The following ATP9B variants were observed in gnomAD, a reference collection of about 807,000 sequenced individuals.
The protein encoded by ATP9B is ATPase phospholipid transporting 9B, also known as probable phospholipid-transporting ATPase IIB.
ATP9B carries 110 observed loss-of-function variants against 146.1 expected under a neutral mutation model. The ratio of observed to expected loss-of-function variants is 0.75; its 90% CI spans 0.65 to 0.88. The LOEUF is 0.88. ATP9B is among the 40% of genes least tolerant of loss of function. The pLI is 0.00. For synonymous variants in ATP9B, 604 were observed against 569.7 expected (o/e 1.06, Z -0.86); for missense variants, 1,499 against 1,496.4 (o/e 1.00, Z -0.03).
intron 8 of ATP9B, among the ~76,000 whole-genome samples, chr18:79,188,325 T>C (rs1330309018): frequency 6.6e-6 from 1 of 152,196 alleles, no homozygotes; most frequent in East Asian, 1.9e-4. Context: ...GAAAATGAAT[T>C]GTTCTACGTC....
chr18:79,155,849 G>A (rs148732008), intron 7 of ATP9B, among the ~76,000 whole-genome samples: 4,049 of 131,778 alleles, frequency 0.031, 161 homozygotes, highest in African/African-American at 0.1. Flanking sequence ...TGCAAGCTCC[G>A]CCTCCTGGGT....
chr18:79,348,318 A>G, intron 25 of ATP9B, 122 bp downstream of exon 25: 1 of 945,736 alleles, frequency 1.1e-6, no homozygotes, highest in Non-Finnish European at 1.6e-6. Flanking sequence ...TTTAGAATGA[A>G]TAATACTGAT....
At chr18:79,090,110 T>C (rs2074196951) in intron 1 of ATP9B, among the ~76,000 whole-genome samples, 1 of 152,214 alleles carries the variant, frequency 6.6e-6, no homozygotes, top group East Asian at 1.9e-4. Flanking sequence ...ATCTTATTCT[T>C]TTTTACTGTT....
In ATP9B at chr18:79,281,816, G is replaced by A. The variant is rs188809649; in HGVS notation, c.1411+4620G>A. Among the ~76,000 whole-genome samples the A allele has an allele frequency of 2.0e-3, 302 of 152,330 alleles. 1 individual carries two copies. The highest frequency in any genetic ancestry group is 7.0e-3 in the African/African-American group (290 of 41,568). ...AGGCAGGCGGATCACCGGAGGTCGG[G>A]AGTTCAAGACCAGCCTGACCAACAT... is the stretch of plus-strand genomic sequence containing the variant. On this transcript the variant is annotated intron_variant, in intron 13 of 29. Coordinates refer to ENST00000426216, the MANE Select transcript of ATP9B (RefSeq NM_198531.5).
intron 26 of ATP9B, 174 bp downstream of exon 26, chr18:79,359,636 G>C (rs559020822): frequency 2.4e-5 from 14 of 591,862 alleles, no homozygotes; most frequent in African/African-American, 2.2e-4. Context: ...TTCTCTTTGA[G>C]TTAAACTTCA....
chr18:79,246,746 C>A (rs570894210), intron 11 of ATP9B, among the ~76,000 whole-genome samples: 5 of 152,342 alleles, frequency 3.3e-5, no homozygotes, highest in African/African-American at 1.2e-4. Flanking sequence ...CTGGCTTCCC[C>A]TCCCAGCCGC....
At chr18:79,282,838 C>G (rs966813797) in intron 13 of ATP9B, among the ~76,000 whole-genome samples, 7 of 152,114 alleles carry the variant, frequency 4.6e-5, no homozygotes, top group Admixed American at 2.0e-4. Context: ...CTTGGTGCCC[C>G]CCAACTATGT....
At chr18:79,286,901 T>C (rs1170997363) in intron 13 of ATP9B, among the ~76,000 whole-genome samples, 1 of 152,252 alleles carries the variant, frequency 6.6e-6, no homozygotes, top group African/African-American at 2.4e-5. Flanking sequence ...TTTGGTTCTG[T>C]TTATATGCTG....
chr18:79,142,001 A>G (rs1461929725), intron 5 of ATP9B, among the ~76,000 whole-genome samples: 3 of 152,236 alleles, frequency 2.0e-5, no homozygotes, highest in Non-Finnish European at 1.5e-5. Flanking sequence ...GGACTTGATA[A>G]CAATATGATC....
chr18:79,071,398 C>T (rs1398265691), intron 1 of ATP9B, among the ~76,000 whole-genome samples: 1 of 22,404 alleles, frequency 4.5e-5, no homozygotes, highest in African/African-American at 1.5e-4. Context: ...TATTGTTCTT[C>T]CTTTTTTTTT....
At chr18:79,150,269 AT>A (rs1430992021) in intron 6 of ATP9B, among the ~76,000 whole-genome samples, 1 of 152,194 alleles carries the variant, frequency 6.6e-6, no homozygotes, top group Non-Finnish European at 1.5e-5. Flanking sequence ...GCTTGTGGAA[AT>A]ACAAATAATA....
chr18:79,143,481 T>A (rs2094539146), intron 5 of ATP9B, among the ~76,000 whole-genome samples: 1 of 152,244 alleles, frequency 6.6e-6, no homozygotes. Context: ...GCTGAGATCA[T>A]TTAGTAATAT....
chr18:79,139,786 A>G (rs1356861359), intron 5 of ATP9B, among the ~76,000 whole-genome samples: 2 of 152,028 alleles, frequency 1.3e-5, no homozygotes, highest in African/African-American at 4.8e-5. Flanking sequence ...TCTATTTTTC[A>G]TACCTATTAA....
chr18:79,348,193 T>TG lies in ATP9B; in HGVS notation c.2903+1dup. The TG allele has an allele frequency of 1.5e-5, 24 of 1,592,004 alleles. No individual in the cohort carries two copies. Among genetic ancestry groups the TG allele is most frequent in the Non-Finnish European group, 2.0e-5 (24 of 1,171,616 alleles). ...CCTTTGTATCAGGGCTTCCTCATGG[T>TG]GGGGTAAGTTACACTCAGAACCTGC... On this transcript the variant is annotated frameshift_variant, in exon 25 of 30. Coordinates refer to ENST00000426216, the MANE Select transcript of ATP9B (RefSeq NM_198531.5). LOFTEE classifies it high-confidence loss of function.
intron 7 of ATP9B, among the ~76,000 whole-genome samples, chr18:79,161,615 G>A (rs1299352379): frequency 3.9e-5 from 6 of 152,202 alleles, no homozygotes; most frequent in African/African-American, 7.2e-5. Context: ...TTGGGAGGCC[G>A]AGATGGGTGG....
chr18:79,257,045 A>G (rs2096089163), intron 12 of ATP9B, among the ~76,000 whole-genome samples: 1 of 152,214 alleles, frequency 6.6e-6, no homozygotes, highest in Non-Finnish European at 1.5e-5. Flanking sequence ...CACGCCTGTA[A>G]TCCTAGTACT....
At chr18:79,071,701 T>C (rs1305205945) in intron 1 of ATP9B, among the ~76,000 whole-genome samples, 4 of 152,150 alleles carry the variant, frequency 2.6e-5, no homozygotes, top group Non-Finnish European at 5.9e-5. Context: ...TGAAAAATCT[T>C]GTGCTGCTTC....
At chr18:79,293,339 G>T (rs545709006) in intron 13 of ATP9B, among the ~76,000 whole-genome samples, 1 of 152,212 alleles carries the variant, frequency 6.6e-6, no homozygotes, top group African/African-American at 2.4e-5. Context: ...TCCCCAGTGT[G>T]ACACTATTAA....
chr18:79,199,836 T>C (rs1310133193), intron 9 of ATP9B, among the ~76,000 whole-genome samples: 4 of 151,818 alleles, frequency 2.6e-5, no homozygotes, highest in Admixed American at 2.6e-4. Flanking sequence ...ATCATCAGTA[T>C]CACTGTCTCC....
Sources: allele counts gnomAD v4.1 joint callset (sites outside exome capture counted in the v4.1 genomes callset), GRCh38; gene constraint gnomAD v4.1.1; transcripts MANE v1.5; gene names NCBI Gene and HGNC (gene_info 2026-07-23, HGNC 2026-07-21).